RFX2: variants seen among roughly 807,000 people sequenced by gnomAD.
The protein encoded by RFX2 is DNA-binding protein RFX2.
RFX2 carries 20 observed loss-of-function variants against 87.8 expected under a neutral mutation model. The observed-to-expected ratio is 0.23, with a 90% confidence interval of 0.16 to 0.33. The LOEUF (loss-of-function observed/expected upper bound fraction) is 0.33. Ranked by LOEUF, RFX2 falls within the 10% of genes least tolerant of loss-of-function variation. The pLI, the probability that RFX2 is intolerant of heterozygous loss-of-function variation, is 1.00. For synonymous variants in RFX2, 397 were observed against 431.3 expected (o/e 0.92, Z 0.98); for missense variants, 767 against 1,012.3 (o/e 0.76, Z 3.29).
chr19:6,066,142 T>C (rs2087507622), intron 1 of RFX2, among the ~76,000 whole-genome samples: 1 of 152,174 alleles, frequency 6.6e-6, no homozygotes, highest in South Asian at 2.1e-4. Context: ...GCTGTTTTGA[T>C]CAAAATCCAA....
rs985625007 is a variant in RFX2 at position 6,007,632 on chromosome 19, C to T, written c.1247+58G>A. On this transcript the variant is annotated intron_variant, in intron 11 of 17. Coordinates refer to ENST00000303657, the MANE Select transcript of RFX2 (RefSeq NM_000635.4). The surrounding 1 kb of genome is among the most constrained non-coding windows in gnomAD (Gnocchi z 8.2). ...CTTTCGTTTGTGGGTTACCTGTGGA[C>T]GTCAGCAGGGGGTTAAGTCTGGGGT... 11 of 1,017,252 alleles carry T rather than the reference C, an allele frequency of 1.1e-5. No individual in the cohort carries two copies. Among genetic ancestry groups the T allele is most frequent in the South Asian group, 2.8e-5 (2 of 72,600 alleles). 63.0% of individuals were successfully genotyped at this position (1,017,252 alleles called of 1,614,324 possible). A position where few individuals can be genotyped will look rare whatever the true frequency, so the allele number is the denominator to read the frequency against.
Position 6,007,835 on chromosome 19 carries a change from T to C in RFX2, c.1135-33A>G. 7.2e-7 allele frequency: 1 copy of C among 1,391,342 alleles called. No homozygotes were observed. Among genetic ancestry groups the C allele is most frequent in the Non-Finnish European group, 1.0e-6 (1 of 1,000,758 alleles). 86.2% of individuals were successfully genotyped at this position (1,391,342 alleles called of 1,614,324 possible). On this transcript the variant is annotated intron_variant, in intron 10 of 17. Transcript: ENST00000303657. This position sits in a 1 kb window ranked among gnomAD's most constrained non-coding sequence, Gnocchi z 8.2. ...TGAAGGGACCGGTGAGACAGACGGG[T>C]GCGTGCGCCCATCACGTGCACTCAG...
rs76910885 is a variant in RFX2 at position 5,999,673 on chromosome 19, G to A, written c.1859+2142C>T. Among the ~76,000 whole-genome samples, 11 of 152,228 alleles carry A rather than the reference G, an allele frequency of 7.2e-5. No individual in the cohort carries two copies. In the South Asian group the frequency reaches 1.0e-3, roughly 14 times the overall value. ...AGTGAGGTCCCGGCACTCGGGTAGC[G>A]TGCCTGATCATGCAGGAGACAGACA... On this transcript the variant is annotated intron_variant, in intron 15 of 17. Coordinates refer to ENST00000303657, the MANE Select transcript of RFX2 (RefSeq NM_000635.4). The surrounding 1 kb of genome is among the most constrained non-coding windows in gnomAD (Gnocchi z 4.1).
At chr19:6,052,715 G>A (rs1326140317) in intron 1 of RFX2, among the ~76,000 whole-genome samples, 2 of 152,188 alleles carry the variant, frequency 1.3e-5, no homozygotes, top group Non-Finnish European at 2.9e-5. Context: ...CCACAGTGGA[G>A]TAAATTAGAA....
chr19:6,063,659 T>C lies in RFX2; in HGVS notation c.-8-16155A>G, dbSNP rs891001949. On this transcript the variant is annotated intron_variant, in intron 1 of 17. Coordinates refer to ENST00000303657, the MANE Select transcript of RFX2 (RefSeq NM_000635.4). This position sits in a 1 kb window ranked among gnomAD's most constrained non-coding sequence, Gnocchi z 4.0. Reference sequence around the variant, plus strand: ...GGGATCCCAGGCAAGTGATGAGCAGTGGGGAAACCCTCTCTCCAGTCAGCT... The same window carrying C: ...GGGATCCCAGGCAAGTGATGAGCAGCGGGGAAACCCTCTCTCCAGTCAGCT... Among the ~76,000 whole-genome samples, 2 of 152,168 alleles carry C rather than the reference T, an allele frequency of 1.3e-5. No individual in the cohort carries two copies. Among genetic ancestry groups the C allele is most frequent in the African/African-American group, 4.8e-5 (2 of 41,438 alleles).
intron 1 of RFX2, among the ~76,000 whole-genome samples, chr19:6,094,424 T>C (rs2087991989): frequency 6.6e-6 from 1 of 152,164 alleles, no homozygotes; most frequent in South Asian, 2.1e-4. Context: ...AGTCCAGTGA[T>C]GATCACTTTA....
intron 1 of RFX2, among the ~76,000 whole-genome samples, chr19:6,053,528 T>C (rs2087291716): frequency 6.6e-6 from 1 of 152,214 alleles, no homozygotes; most frequent in African/African-American, 2.4e-5. Flanking sequence ...TTTCATCAAC[T>C]GTAACAAATG....
Position 6,039,554 on chromosome 19 carries a change from G to A in RFX2, c.522+426C>T, listed in dbSNP as rs967638389. On this transcript the variant is annotated intron_variant, in intron 5 of 17. Transcript: ENST00000303657. The surrounding 1 kb of genome is among the most constrained non-coding windows in gnomAD (Gnocchi z 5.2). ...TTATTTTGCATCGGGGCATGGCAGC[G>A]AGAACTCGGCAGAGGCTGCAGGGAA... Among the ~76,000 whole-genome samples, 5 of 152,236 alleles carry A rather than the reference G, an allele frequency of 3.3e-5. No individual in the cohort carries two copies. The highest frequency in any genetic ancestry group is 4.8e-5 in the African/African-American group (2 of 41,456).
intron 1 of RFX2, among the ~76,000 whole-genome samples, chr19:6,093,563 G>A (rs896199335): frequency 2.2e-4 from 34 of 151,972 alleles, no homozygotes; most frequent in African/African-American, 7.7e-4. Flanking sequence ...AGAATAAAAG[G>A]CTAAGTAAGT....
intron 1 of RFX2, among the ~76,000 whole-genome samples, chr19:6,100,185 G>A (rs534043358): frequency 6.6e-6 from 1 of 152,256 alleles, no homozygotes; most frequent in South Asian, 2.1e-4. Context: ...TACAAGACCC[G>A]TTTAAAGTAT....
In RFX2 at chr19:6,022,820, C is replaced by T. The variant is rs886131931; in HGVS notation, c.597+3343G>A. Among the ~76,000 whole-genome samples the T allele has an allele frequency of 2.0e-5, 3 of 152,340 alleles. No homozygotes were observed. Among genetic ancestry groups the T allele is most frequent in the Non-Finnish European group, 2.9e-5 (2 of 68,020 alleles). On this transcript the variant is annotated intron_variant, in intron 6 of 17. Coordinates refer to ENST00000303657, the MANE Select transcript of RFX2 (RefSeq NM_000635.4). The surrounding 1 kb of genome is among the most constrained non-coding windows in gnomAD (Gnocchi z 6.2). ...GCCCTGCAGACCCCCTGGGTCCAAG[C>T]CCCTAGAGGGGAGGCCTGGGAAGCT...
Position 5,993,749 on chromosome 19 carries a change from C to G in RFX2, c.*1086G>C, listed in dbSNP as rs571325042. 6.6e-6 allele frequency: 1 copy of G among 152,216 alleles called. No individual in the cohort carries two copies. The highest frequency in any genetic ancestry group is 2.4e-5 in the African/African-American group (1 of 41,552). 9.4% of individuals were successfully genotyped at this position (152,216 alleles called of 1,614,324 possible). A position where few individuals can be genotyped will look rare whatever the true frequency, so the allele number is the denominator to read the frequency against. On this transcript the variant is annotated 3_prime_UTR_variant, in exon 18 of 18. Coordinates refer to ENST00000303657, the MANE Select transcript of RFX2 (RefSeq NM_000635.4). The stretch of plus-strand genomic sequence containing the variant: ...GGAGACAAACTTGGTGTCTCAAGTT[C>G]AGGGCTTCGAAAGTCCCGAATATTT...
Position 6,004,348 on chromosome 19 carries a change from C to G in RFX2, c.1403-50G>C, listed in dbSNP as rs749910261. 2.1e-6 allele frequency: 3 copies of G among 1,457,872 alleles called. No homozygotes were observed. The highest frequency in any genetic ancestry group is 3.3e-5 in the Admixed American group (2 of 59,788). 90.3% of individuals were successfully genotyped at this position (1,457,872 alleles called of 1,614,324 possible). ...ACCAGGGAGAAAGGCAGTGACTGGA[C>G]CCTGGAAATCAGCATTCAGTGTAAG... On this transcript the variant is annotated intron_variant, in intron 12 of 17. Transcript: ENST00000303657. The surrounding 1 kb of genome is among the most constrained non-coding windows in gnomAD (Gnocchi z 4.8).
rs1221545502 is a variant in RFX2 at position 6,056,420 on chromosome 19, C to T, written c.-8-8916G>A. On this transcript the variant is annotated intron_variant, in intron 1 of 17. Transcript: ENST00000303657. The surrounding 1 kb of genome is among the most constrained non-coding windows in gnomAD (Gnocchi z 4.6). Reference sequence around the variant, plus strand: ...GAGCAGGAGTGGCTCATGATCCTGGCGGTGCTTCCAGGTAAGCGCAGTAGC... The same window carrying T: ...GAGCAGGAGTGGCTCATGATCCTGGTGGTGCTTCCAGGTAAGCGCAGTAGC... Among the ~76,000 whole-genome samples the T allele has an allele frequency of 4.6e-5, 7 of 152,298 alleles. No homozygotes were observed. The highest frequency in any genetic ancestry group is 1.3e-4 in the Admixed American group (2 of 15,298).
Position 6,027,054 on chromosome 19 carries a change from C to A in RFX2, c.523-817G>T, listed in dbSNP as rs1259316406. On this transcript the variant is annotated intron_variant, in intron 5 of 17. Coordinates refer to ENST00000303657, the MANE Select transcript of RFX2 (RefSeq NM_000635.4). This position sits in a 1 kb window ranked among gnomAD's most constrained non-coding sequence, Gnocchi z 5.0. Reference sequence around the variant, plus strand: ...GCATTTGGTTTGTCCTAGACTCGCACACGGAAAACAGCGACGTAAAATCTG... The same window carrying A: ...GCATTTGGTTTGTCCTAGACTCGCAAACGGAAAACAGCGACGTAAAATCTG... The A allele has an allele frequency of 6.6e-6, 1 of 152,246 alleles. No individual in the cohort carries two copies. The highest frequency in any genetic ancestry group is 2.4e-5 in the African/African-American group (1 of 41,426). The allele number at this position is 152,246 out of a possible 1,614,324, so 9.4% of individuals were successfully genotyped here.
At position 6,020,936 on chromosome 19, in the gene RFX2, C is replaced by T. The variant is rs571315602; in HGVS notation, c.598-4665G>A. Among the ~76,000 whole-genome samples the T allele has an allele frequency of 2.6e-5, 4 of 152,290 alleles. No individual in the cohort carries two copies. The highest frequency in any genetic ancestry group is 9.6e-5 in the African/African-American group (4 of 41,552). On this transcript the variant is annotated intron_variant, in intron 6 of 17. Transcript: ENST00000303657. This position sits in a 1 kb window ranked among gnomAD's most constrained non-coding sequence, Gnocchi z 5.3. The stretch of plus-strand genomic sequence containing the variant: ...ATCATTCCTTTTAAGGAAAAAAAAT[C>T]CCGAAATGCCAGCGCCTCCCTCTCC...
Position 6,054,548 on chromosome 19 carries a change from A to AT in RFX2, c.-8-7045dup, listed in dbSNP as rs895990936. On this transcript the variant is annotated intron_variant, in intron 1 of 17. Coordinates refer to ENST00000303657, the MANE Select transcript of RFX2 (RefSeq NM_000635.4). ...TAACCCACACTTAGATTATCAATTGATTTTTTTTTCTAATGGAGCCTCAGC... is the reference window on the plus strand; with the variant it reads ...TAACCCACACTTAGATTATCAATTGATTTTTTTTTTCTAATGGAGCCTCAGC... Among the ~76,000 whole-genome samples, 14 of 151,816 alleles carry AT rather than the reference A, an allele frequency of 9.2e-5. No individual in the cohort carries two copies. In the East Asian group the frequency reaches 1.3e-3, roughly 15 times the overall value.
Position 6,047,702 on chromosome 19 carries a change from G to A in RFX2, c.-8-198C>T, listed in dbSNP as rs972956516. Reference sequence around the variant, plus strand: ...AACTGTCCCACAGAAGGAGAGAGGGGCCAGAGAAAGTTTTCCAAATATAAA... The same window carrying A: ...AACTGTCCCACAGAAGGAGAGAGGGACCAGAGAAAGTTTTCCAAATATAAA... On this transcript the variant is annotated intron_variant, in intron 1 of 17. Transcript: ENST00000303657. The surrounding 1 kb of genome is among the most constrained non-coding windows in gnomAD (Gnocchi z 4.2). Among the ~76,000 whole-genome samples, 9 of 152,230 alleles carry A rather than the reference G, an allele frequency of 5.9e-5. No homozygotes were observed. The highest frequency in any genetic ancestry group is 2.2e-4 in the African/African-American group (9 of 41,466).
chr19:6,104,827 TG>T (rs1288717298), intron 1 of RFX2, among the ~76,000 whole-genome samples: 1 of 151,962 alleles, frequency 6.6e-6, no homozygotes, highest in Non-Finnish European at 1.5e-5. Context: ...TTCTCAGCCC[TG>T]GGGATATAGA....
Sources: allele counts gnomAD v4.1 joint callset (sites outside exome capture counted in the v4.1 genomes callset), GRCh38; gene constraint gnomAD v4.1.1; non-coding constraint Gnocchi (gnomAD v3.1); transcripts MANE v1.5; gene names NCBI Gene and HGNC (gene_info 2026-07-23, HGNC 2026-07-21).